Variants in DNAH2 observed in about 807,000 individuals in gnomAD.
The protein encoded by DNAH2 is dynein axonemal heavy chain 2, also known as axonemal beta dynein heavy chain 2.
In DNAH2, 323 loss-of-function variants were observed where a neutral mutation model predicts 523.5. The observed-to-expected ratio is 0.62, with a 90% confidence interval of 0.56 to 0.68. The LOEUF is 0.68. Ranked by LOEUF, DNAH2 falls within the 30% of genes least tolerant of loss-of-function variation. The pLI, the probability that DNAH2 is intolerant of heterozygous loss-of-function variation, is 0.00. For missense variants in DNAH2, 4,907 were observed against 5,701.5 expected, an observed-to-expected ratio of 0.86 and a Z score of 4.49; for synonymous variants, 2,093 against 2,177.4, an observed-to-expected ratio of 0.96 and a Z score of 1.08.
At chr17:7,737,899 G>T in intron 8 of DNAH2, 1 of 692,622 alleles carries the variant, frequency 1.4e-6, no homozygotes, top group Admixed American at 2.0e-5. Flanking sequence ...CGGGCAGGGG[G>T]ATGCAGAGAA....
At chr17:7,741,897 A>G (rs1301782209) in intron 11 of DNAH2, among the ~76,000 whole-genome samples, 6 of 140,802 alleles carry the variant, frequency 4.3e-5, no homozygotes, top group Admixed American at 2.1e-4. Flanking sequence ...TCCCGACCTC[A>G]GGTGATCCAC....
intron 2 of DNAH2, among the ~76,000 whole-genome samples, chr17:7,721,380 C>T (rs1181067340): frequency 6.6e-6 from 1 of 151,986 alleles, no homozygotes; most frequent in South Asian, 2.1e-4. Context: ...CACCATGTTG[C>T]CCAGGCTGGT....
chr17:7,763,929 A>G lies in DNAH2; in HGVS notation c.3077A>G (p.Gln1026Arg), dbSNP rs751862838. 1.9e-6 allele frequency: 3 copies of G among 1,614,240 alleles called. No homozygotes were observed. In the South Asian group the frequency reaches 3.3e-5, roughly 18 times the overall value. ...DCSHLKFSLV[Q>R]HCNEWQNKFA... ...TCGCACCTCAAGTTCTCCCTGGTGC[A>G]GCACTGCAATGAATGGCAGAACAAG... is the stretch of plus-strand genomic sequence containing the variant. Residue 1026 changes from glutamine (Q) to arginine (R), a missense_variant, in exon 19 of 86, where the codon CAG becomes CGG. Transcript: ENST00000572933.
At chr17:7,747,534 AAC>A (rs1396400907) in intron 12 of DNAH2, among the ~76,000 whole-genome samples, 1 of 152,114 alleles carries the variant, frequency 6.6e-6, no homozygotes, top group Non-Finnish European at 1.5e-5. Context: ...CTGAAATTTG[AAC>A]ACAGTGTCCC....
chr17:7,761,299 C>A (rs1200416569), intron 18 of DNAH2, among the ~76,000 whole-genome samples: 3 of 152,114 alleles, frequency 2.0e-5, no homozygotes, highest in African/African-American at 7.2e-5. Flanking sequence ...GGATCTTGCT[C>A]TGTCATTGCC....
intron 5 of DNAH2, among the ~76,000 whole-genome samples, chr17:7,733,635 G>A (rs544831871): frequency 6.6e-6 from 1 of 151,830 alleles, no homozygotes; most frequent in South Asian, 2.1e-4. Flanking sequence ...ATGCCACCAC[G>A]CCTGGCTAAT....
chr17:7,830,588 G>A, intron 78 of DNAH2, 70 bp from the exon 79 acceptor site: 1 of 1,608,538 alleles, frequency 6.2e-7, no homozygotes. Context: ...CAAAGCCTGT[G>A]TTGAAGCCCC....
In DNAH2 at chr17:7,754,647, G is replaced by C; in HGVS notation, c.1905-2444G>C. On this transcript the variant is annotated intron_variant, in intron 12 of 85. Coordinates refer to ENST00000572933, the MANE Select transcript of DNAH2 (RefSeq NM_020877.5). The surrounding 1 kb of genome is among the most constrained non-coding windows in gnomAD (Gnocchi z 4.6). ...GGAGGTTAAGCCCAAGATCCCAAAGGGTGTCAGCCATAAACTTGATCGACT... is the reference window on the plus strand; with the variant it reads ...GGAGGTTAAGCCCAAGATCCCAAAGCGTGTCAGCCATAAACTTGATCGACT... 7.1e-7 allele frequency: 1 copy of C among 1,408,494 alleles called. No individual in the cohort carries two copies. The highest frequency in any genetic ancestry group is 9.9e-7 in the Non-Finnish European group (1 of 1,009,820). 87.2% of individuals were successfully genotyped at this position (1,408,494 alleles called of 1,614,324 possible).
At position 7,768,062 on chromosome 17, in the gene DNAH2, G is replaced by A. The variant is rs751261013; in HGVS notation, c.3837+1G>A. 1 of 1,614,202 alleles carries A rather than the reference G, an allele frequency of 6.2e-7. No homozygotes were observed. Among genetic ancestry groups the A allele is most frequent in the Non-Finnish European group, 8.5e-7 (1 of 1,180,032 alleles). On this transcript the variant is annotated splice_donor_variant, in intron 23 of 85. Coordinates refer to ENST00000572933, the MANE Select transcript of DNAH2 (RefSeq NM_020877.5). LOFTEE classifies it high-confidence loss of function. ...CACAAAATTAGCCAAAGAGTATAAG[G>A]TGGGGAGAAACGGCGGGGAGGCGGA...
At chr17:7,740,268 AGGATTAAAT>A in intron 9 of DNAH2, 143 bp from the exon 10 acceptor site, 1 of 1,209,178 alleles carries the variant, frequency 8.3e-7, no homozygotes, top group Non-Finnish European at 1.2e-6. Flanking sequence ...CATTGTTTTG[AGGATTAAAT>A]GGATTCATGT....
intron 45 of DNAH2, 89 bp downstream of exon 45, chr17:7,792,158 T>C: frequency 2.5e-6 from 4 of 1,600,358 alleles, no homozygotes; most frequent in Non-Finnish European, 3.4e-6. Context: ...GGTTTCCCTC[T>C]CTCTTTCTTC....
At chr17:7,806,498 A>C (rs1319742037) in intron 61 of DNAH2, among the ~76,000 whole-genome samples, 1 of 151,820 alleles carries the variant, frequency 6.6e-6, no homozygotes, top group Non-Finnish European at 1.5e-5. Flanking sequence ...TCTACTACAA[A>C]ATACAAAAAA....
chr17:7,718,864 A>T (rs2074502184), intron 1 of DNAH2, 65 bp downstream of exon 1: 1 of 152,616 alleles, frequency 6.6e-6, no homozygotes, highest in East Asian at 1.9e-4. Flanking sequence ...GGAGGAGCAT[A>T]TTTCCATTTA....
rs1449819841 is a variant in DNAH2, at chr17:7,787,044, C to T, written c.6603+11C>T. The T allele has an allele frequency of 1.7e-5, 28 of 1,613,404 alleles. No homozygotes were observed. Among genetic ancestry groups the T allele is most frequent in the South Asian group, 2.2e-5 (2 of 91,056 alleles). On this transcript the variant is annotated intron_variant, in intron 42 of 85. Coordinates refer to ENST00000572933, the MANE Select transcript of DNAH2 (RefSeq NM_020877.5). ...GCGATGCCCGAGCAGGTCAGGGACG[C>T]GGCTGACTCCTGGAGGCCTGCAGAG...
intron 50 of DNAH2, among the ~76,000 whole-genome samples, chr17:7,796,935 CAAAAAAA>C (rs370280901): frequency 8.6e-6 from 1 of 116,160 alleles, no homozygotes. Context: ...ATTAAAAATA[CAAAAAAA>C]AAAAAAAAAA....
rs1478497162 is a variant in DNAH2, at chr17:7,823,921, CCTT to C, written c.11419_11421del (p.Phe3807del). ...GACCGCGTGGCCTTCTGCGTGACCT[CCTT>C]CATCATCACCAACCTTGGCTCCCGC... is the stretch of plus-strand genomic sequence containing the variant. On this transcript the variant is annotated inframe_deletion, in exon 75 of 86. Transcript: ENST00000572933. The C allele has an allele frequency of 2.0e-5, 33 of 1,614,032 alleles. No homozygotes were observed. The highest frequency in any genetic ancestry group is 2.6e-5 in the Non-Finnish European group (31 of 1,180,048).
At position 7,758,495 on chromosome 17, in the gene DNAH2, G is replaced by A. The variant is rs1302379013; in HGVS notation, c.2052G>A (p.Arg684=). 2.5e-6 allele frequency: 4 copies of A among 1,613,596 alleles called. No homozygotes were observed. In the African/African-American group the frequency reaches 5.3e-5, roughly 22 times the overall value. ...NLLLVARDYN[R]IIAMLSPDEQ... ...GATACCAGGCCTCTCTTATGCACAG[G>A]ATTATTGCCATGCTGTCCCCAGATG... The change falls in exon 14 of 86, where the codon AGG becomes AGA. Residue 684 remains arginine (R), a splice_region_variant and synonymous_variant. Transcript: ENST00000572933.
chr17:7,721,004 C>CTTTTTTTTT (rs71159523), intron 2 of DNAH2, among the ~76,000 whole-genome samples: 58 of 109,714 alleles, frequency 5.3e-4, no homozygotes, highest in Non-Finnish European at 8.2e-4. Flanking sequence ...TTCTTTCTTT[C>CTTTTTTTTT]TTTTTTTTTT....
At position 7,807,229 on chromosome 17, in the gene DNAH2, C is replaced by T. The variant is rs982352899; in HGVS notation, c.9522C>T (p.Ala3174=). 1.2e-6 allele frequency: 2 copies of T among 1,613,684 alleles called. No homozygotes were observed. Among genetic ancestry groups the T allele is most frequent in the African/African-American group, 1.3e-5 (1 of 74,942 alleles). ...ISDKVLKKIG[A]YCAQPDFQPD... ...ATAAGGTTCTGAAGAAGATTGGGGC[C>T]TACTGCGCCCAGCCTGACTTCCAGC... Residue 3174 remains alanine, a synonymous_variant, in exon 62 of 86, where the codon GCC becomes GCT. Transcript: ENST00000572933. This position sits in a 1 kb window ranked among gnomAD's most constrained non-coding sequence, Gnocchi z 5.6.
Sources: gnomAD v4.1 joint callset for allele counts (sites outside exome capture counted in the v4.1 genomes callset) on GRCh38, gnomAD v4.1.1 for gene constraint, Gnocchi (gnomAD v3.1) non-coding constraint, MANE v1.5 for transcripts, NCBI Gene and HGNC (gene_info 2026-07-23, HGNC 2026-07-21) for gene names.